The following KMT2A variants were observed in gnomAD, a reference collection of about 807,000 sequenced individuals.
The protein encoded by KMT2A is lysine methyltransferase 2A, also known as histone-lysine N-methyltransferase 2A.
In KMT2A, 16 loss-of-function variants were observed where a neutral mutation model predicts 345.3. The observed-to-expected ratio is 0.05, with a 90% CI of 0.03 to 0.07. The LOEUF (loss-of-function observed/expected upper bound fraction) is 0.07, where lower values mean the gene tolerates loss of function less well. Among genes scored for constraint, KMT2A ranks in the 10% least tolerant of loss-of-function variants. KMT2A has a pLI of 1.00. For synonymous variants in KMT2A, 1,599 were observed against 1,778.6 expected, an observed-to-expected ratio of 0.90 and a Z score of 2.54; for missense variants, 3,272 against 4,841.6, an observed-to-expected ratio of 0.68 and a Z score of 9.62.
At chr11:118,468,643 T>C in intron 1 of KMT2A, 132 bp from the exon 2 acceptor site, 1 of 680,390 alleles carries the variant, frequency 1.5e-6, no homozygotes, top group South Asian at 1.5e-5. Context: ...ATAGTATCCA[T>C]TGGAATGATG....
chr11:118,478,299 T>C (rs1950073268), intron 5 of KMT2A, 98 bp downstream of exon 5: 5 of 892,102 alleles, frequency 5.6e-6, no homozygotes, highest in Non-Finnish European at 8.7e-6. Context: ...AAACTGAATG[T>C]GGTTGTAATT....
rs782257694 is a variant in KMT2A, at chr11:118,506,090, G to A, written c.10198G>A (p.Val3400Met). 1 of 1,614,190 alleles carries A rather than the reference G, an allele frequency of 6.2e-7. No individual in the cohort carries two copies. The highest frequency in any genetic ancestry group is 8.5e-7 in the Non-Finnish European group (1 of 1,180,042). ...QQSLGIQDQP[V>M]ALPPSSGMFP... Reference sequence around the variant, plus strand: ...GAGCCTGGGGATTCAGGACCAGCCTGTGGCTTTACCGCCAAGTTCAGGAAT... The same window carrying A: ...GAGCCTGGGGATTCAGGACCAGCCTATGGCTTTACCGCCAAGTTCAGGAAT... Residue 3400 changes from valine (V) to methionine (M), a missense_variant, in exon 27 of 36, where the codon GTG becomes ATG. By Grantham distance (21) the Val-to-Met change is conservative. Transcript: ENST00000534358.
Position 118,490,231 on chromosome 11 carries a change from G to A in KMT2A, c.4678G>A (p.Ala1560Thr), listed in dbSNP as rs1388016179. 8.9e-6 allele frequency: 14 copies of A among 1,566,802 alleles called. No homozygotes were observed. The highest frequency in any genetic ancestry group is 6.8e-5 in the East Asian group (3 of 43,942). ...SHDFSLCHDCAKLFAKGNFCP... is the reference protein window; with the variant it reads ...SHDFSLCHDCTKLFAKGNFCP... ...TGATTTCTCACTGTGTCATGATTGC[G>A]CCAAGCTCTTTGCTAAAGGTACCCA... is the stretch of plus-strand genomic sequence containing the variant. The change falls in exon 13 of 36, where the codon GCC becomes ACC. Residue 1560 changes from alanine (A) to threonine (T), a missense_variant. This residue lies in a region of KMT2A where 120 missense variants were observed against 280.4 expected (regional missense o/e 0.43). Coordinates refer to ENST00000534358, the MANE Select transcript of KMT2A (RefSeq NM_001197104.2). This position sits in a 1 kb window ranked among gnomAD's most constrained non-coding sequence, Gnocchi z 4.2.
intron 31 of KMT2A, among the ~76,000 whole-genome samples, chr11:118,515,099 G>T (rs1249375623): frequency 6.6e-6 from 1 of 152,204 alleles, no homozygotes; most frequent in African/African-American, 2.4e-5. Flanking sequence ...GCCTATAGGT[G>T]TGAATCAGAA....
rs782382981 is a variant in KMT2A, at chr11:118,502,357, C to G, written c.6506-41C>G. 7.1e-7 allele frequency: 1 copy of G among 1,400,186 alleles called. No homozygotes were observed. Among genetic ancestry groups the G allele is most frequent in the Admixed American group, 2.2e-5 (1 of 44,612 alleles). 86.7% of individuals were successfully genotyped at this position (1,400,186 alleles called of 1,614,324 possible). ...AACCAGTGACTTCTACACATTTGTT[C>G]TATCTACAATAGCATTTATTACTTT... On this transcript the variant is annotated intron_variant, in intron 26 of 35. Transcript: ENST00000534358. This position sits in a 1 kb window ranked among gnomAD's most constrained non-coding sequence, Gnocchi z 4.9.
At chr11:118,475,359 G>A (rs576608678) in intron 3 of KMT2A, among the ~76,000 whole-genome samples, 11 of 152,002 alleles carry the variant, frequency 7.2e-5, no homozygotes, top group African/African-American at 1.9e-4. Flanking sequence ...TAAAAAAATC[G>A]TCATGTAGTA....
chr11:118,524,326 TG>T lies in KMT2A; in HGVS notation c.*2156del, dbSNP rs1180012796. 3 of 190,122 alleles carry T rather than the reference TG, an allele frequency of 1.6e-5. No homozygotes were observed. The highest frequency in any genetic ancestry group is 1.9e-4 in the South Asian group (1 of 5,166). 11.8% of individuals were successfully genotyped at this position (190,122 alleles called of 1,614,324 possible). The stretch of plus-strand genomic sequence containing the variant: ...TCTCGCCGCAAGAAGCCCATTCCTA[TG>T]GAAGTCTAGCAAAGCAATACGACTC... On this transcript the variant is annotated 3_prime_UTR_variant, in exon 36 of 36. Transcript: ENST00000534358.
At chr11:118,438,858 T>C (rs537682548) in intron 1 of KMT2A, among the ~76,000 whole-genome samples, 2 of 152,182 alleles carry the variant, frequency 1.3e-5, no homozygotes. Context: ...TTCCTTGCTA[T>C]GTAGCTAGCT....
At position 118,524,513 on chromosome 11, in the gene KMT2A, CAG is replaced by C. The variant is rs1265213341; in HGVS notation, c.*2345_*2346del. The C allele has an allele frequency of 1.1e-5, 2 of 183,900 alleles. No homozygotes were observed. Among genetic ancestry groups the C allele is most frequent in the African/African-American group, 2.4e-5 (1 of 42,496 alleles). The allele number at this position is 183,900 out of a possible 1,614,324, so 11.4% of individuals were successfully genotyped here. ...GAGCCCAGCACTGTGGCCAGGATGG[CAG>C]AGACTTCCTTGTCATCATGGAGAAG... On this transcript the variant is annotated 3_prime_UTR_variant, in exon 36 of 36. Coordinates refer to ENST00000534358, the MANE Select transcript of KMT2A (RefSeq NM_001197104.2).
rs376817515 is a variant in KMT2A at position 118,484,248 on chromosome 11, C to T, written c.4152C>T (p.Ser1384=). 3.1e-6 allele frequency: 5 copies of T among 1,613,986 alleles called. No homozygotes were observed. Among genetic ancestry groups the T allele is most frequent in the Non-Finnish European group, 4.2e-6 (5 of 1,180,004 alleles). Residue 1384 remains serine (S), a synonymous_variant, in exon 9 of 36, where the codon TCC becomes TCT. Coordinates refer to ENST00000534358, the MANE Select transcript of KMT2A (RefSeq NM_001197104.2). This position sits in a 1 kb window ranked among gnomAD's most constrained non-coding sequence, Gnocchi z 4.1. ...CTTTGAACATCCTCAGCACTCTCTC[C>T]AATGGCAATAGTTCTAAGCAAAAAA... ...AGTLNILSTL[S]NGNSSKQKIP... is the part of the protein sequence containing the mutation.
rs372145951 is a variant in KMT2A, at chr11:118,507,626, G to C, written c.10835+17G>C. The C allele has an allele frequency of 2.5e-6, 4 of 1,600,424 alleles. No individual in the cohort carries two copies. In the African/African-American group the frequency reaches 5.4e-5, roughly 21 times the overall value. ...ACCTGCAGGGTAAGCTGAAGAATTC[G>C]TCTTTTAAGACTAAGCTCTCAGTTT... On this transcript the variant is annotated intron_variant, in intron 28 of 35. Transcript: ENST00000534358.
At position 118,472,720 on chromosome 11, in the gene KMT2A, A is replaced by T; in HGVS notation, c.1561A>T (p.Asn521Tyr). 6.2e-7 allele frequency: 1 copy of T among 1,613,506 alleles called. No homozygotes were observed. The highest frequency in any genetic ancestry group is 8.5e-7 in the Non-Finnish European group (1 of 1,179,924). Residue 521 changes from asparagine (N) to tyrosine (Y), a missense_variant, in exon 3 of 36, where the codon AAT (asparagine) becomes TAT (tyrosine). By Grantham distance (143) the Asn-to-Tyr change is moderately radical (BLOSUM62 -2). Transcript: ENST00000534358. ...ACTGCCCATTTCCCAGTCCCCAGAA[A>T]ATGAGAGTAATGATAGGAGAAGCAG... ...PPLPISQSPE[N>Y]ESNDRRSRRY...
In KMT2A at chr11:118,506,040, A is replaced by G; in HGVS notation, c.10148A>G (p.Asn3383Ser). 1.2e-6 allele frequency: 2 copies of G among 1,614,224 alleles called. No individual in the cohort carries two copies. Among genetic ancestry groups the G allele is most frequent in the Non-Finnish European group, 1.7e-6 (2 of 1,180,040 alleles). ...ACCCCAGATATTGGCTCAATAAGCA[A>G]TCTTTTAATCAAAGCTAGCCAGCAG... ...LGTPDIGSIS[N>S]LLIKASQQSL... is the part of the protein sequence containing the mutation. Residue 3383 changes from asparagine (N) to serine (S), a missense_variant, in exon 27 of 36, where the codon AAT becomes AGT. Coordinates refer to ENST00000534358, the MANE Select transcript of KMT2A (RefSeq NM_001197104.2).
At chr11:118,488,838 G>A in intron 11 of KMT2A, 78 bp downstream of exon 11, 1 of 1,370,586 alleles carries the variant, frequency 7.3e-7, no homozygotes, top group Non-Finnish European at 1.0e-6. Flanking sequence ...ACCAACCTTG[G>A]ATTGAATGTA....
At position 118,498,140 on chromosome 11, in the gene KMT2A, G is replaced by A; in HGVS notation, c.5802+67G>A. On this transcript the variant is annotated intron_variant, in intron 21 of 35. Transcript: ENST00000534358. This position sits in a 1 kb window ranked among gnomAD's most constrained non-coding sequence, Gnocchi z 4.4. ...CAGTTTCCAGATATTCTTCCTGTGG[G>A]TGAATATGGCCTCCCTGATATTTTT... 3 of 1,525,886 alleles carry A rather than the reference G, an allele frequency of 2.0e-6. No homozygotes were observed. The highest frequency in any genetic ancestry group is 1.2e-5 in the South Asian group (1 of 86,848). 94.5% of individuals were successfully genotyped at this position (1,525,886 alleles called of 1,614,324 possible).
At chr11:118,459,844 G>A (rs1401306101) in intron 1 of KMT2A, among the ~76,000 whole-genome samples, 3 of 136,010 alleles carry the variant, frequency 2.2e-5, no homozygotes, top group Admixed American at 8.0e-5. Flanking sequence ...GCACTACCAC[G>A]CCCGGCTAAT....
chr11:118,512,258 A>T lies in KMT2A; in HGVS notation c.11146+233A>T. 9.1e-6 allele frequency: 5 copies of T among 547,600 alleles called. 1 individual carries two copies. The South Asian group carries it at 1.3e-4, about 14-fold the overall frequency. The allele number at this position is 547,600 out of a possible 1,614,324, so 33.9% of individuals were successfully genotyped here. A position where few individuals can be genotyped will look rare whatever the true frequency, so the allele number is the denominator to read the frequency against. On this transcript the variant is annotated intron_variant, in intron 31 of 35. Coordinates refer to ENST00000534358, the MANE Select transcript of KMT2A (RefSeq NM_001197104.2). The stretch of plus-strand genomic sequence containing the variant: ...TACTCTATAATTCTAGAACATTCTC[A>T]TCATCCCTAAAAGAAACCCCCTATT...
intron 24 of KMT2A, among the ~76,000 whole-genome samples, chr11:118,500,471 C>G (rs1950482835): frequency 6.6e-6 from 1 of 152,202 alleles, no homozygotes; most frequent in Non-Finnish European, 1.5e-5. Flanking sequence ...ATTCCTATTC[C>G]TATGACACAG....
At position 118,498,603 on chromosome 11, in the gene KMT2A, G is replaced by T; in HGVS notation, c.5961+75G>T. Reference sequence around the variant, plus strand: ...GCAGTTTTAGGTTCACAGCAAAATTGACTGGAAGGTACAGAGATTTCCCAT... The same window carrying T: ...GCAGTTTTAGGTTCACAGCAAAATTTACTGGAAGGTACAGAGATTTCCCAT... On this transcript the variant is annotated intron_variant, in intron 22 of 35. Transcript: ENST00000534358. The surrounding 1 kb of genome is among the most constrained non-coding windows in gnomAD (Gnocchi z 4.4). The T allele has an allele frequency of 1.4e-6, 2 of 1,449,442 alleles. No homozygotes were observed. Among genetic ancestry groups the T allele is most frequent in the South Asian group, 2.7e-5 (2 of 72,860 alleles). 89.8% of individuals were successfully genotyped at this position (1,449,442 alleles called of 1,614,324 possible). A position where few individuals can be genotyped will look rare whatever the true frequency, so the allele number is the denominator to read the frequency against.
Sources: allele counts gnomAD v4.1 joint callset (sites outside exome capture counted in the v4.1 genomes callset), GRCh38; gene constraint gnomAD v4.1.1; regional missense constraint gnomAD v4.1.1; non-coding constraint Gnocchi (gnomAD v3.1); transcripts MANE v1.5; gene names NCBI Gene and HGNC (gene_info 2026-07-23, HGNC 2026-07-21).